The following LRP6 variants were observed in gnomAD, a reference collection of about 807,000 sequenced individuals.
LRP6 encodes the protein LDL receptor related protein 6.
LRP6 carries 43 observed loss-of-function variants against 184.1 expected under a neutral mutation model. The observed-to-expected ratio is 0.23, with a 90% CI of 0.18 to 0.30. The LOEUF (loss-of-function observed/expected upper bound fraction) is 0.30, where lower values mean the gene tolerates loss of function less well. LRP6 is among the 10% of genes least tolerant of loss of function. The probability of loss-of-function intolerance (pLI) is 1.00; values close to 1 mark genes in which losing one functional copy is unlikely to be tolerated. For synonymous variants in LRP6, 719 were observed against 684.9 expected, an observed-to-expected ratio of 1.05 and a Z score of -0.78; for missense variants, 1,571 against 2,005.3, an observed-to-expected ratio of 0.78 and a Z score of 4.14.
chr12:12,121,831 C>G (rs996382223), intron 22 of LRP6, among the ~76,000 whole-genome samples: 1 of 152,194 alleles, frequency 6.6e-6, no homozygotes, highest in Non-Finnish European at 1.5e-5. Flanking sequence ...ACATTCTTTA[C>G]TCCAAAATTA....
intron 2 of LRP6, among the ~76,000 whole-genome samples, chr12:12,211,609 T>C (rs1864212687): frequency 6.6e-6 from 1 of 152,240 alleles, no homozygotes; most frequent in African/African-American, 2.4e-5. Flanking sequence ...TCAATAGGGA[T>C]AATAATTCTA....
intron 2 of LRP6, among the ~76,000 whole-genome samples, chr12:12,205,071 G>C (rs1366699007): frequency 6.6e-6 from 1 of 151,838 alleles, no homozygotes; most frequent in Non-Finnish European, 1.5e-5. Context: ...GCTCACACTT[G>C]TAATCCTAGC....
intron 2 of LRP6, among the ~76,000 whole-genome samples, chr12:12,233,169 T>A (rs1403016257): frequency 6.6e-6 from 1 of 152,170 alleles, no homozygotes; most frequent in East Asian, 1.9e-4. Context: ...CACAATAATT[T>A]GTTAGAAAAA....
At position 12,203,267 on chromosome 12, in the gene LRP6, T is replaced by C; in HGVS notation, c.583A>G (p.Lys195Glu). 1 of 1,613,894 alleles carries C rather than the reference T, an allele frequency of 6.2e-7. No individual in the cohort carries two copies. The highest frequency in any genetic ancestry group is 8.5e-7 in the Non-Finnish European group (1 of 1,179,948). The change falls in exon 3 of 23, where the codon AAG becomes GAG. Residue 195 changes from lysine to glutamate, a missense_variant. Transcript: ENST00000261349. ...NGLTLDYEEQ[K>E]LYWADAKLNF... ...AGTTTTGCATCTGCCCAATAAAGCT[T>C]TTGTTCTTCATAATCCAAAGTCAGT...
intron 2 of LRP6, among the ~76,000 whole-genome samples, chr12:12,208,311 G>T (rs1416705184): frequency 6.6e-6 from 1 of 152,200 alleles, no homozygotes; most frequent in Non-Finnish European, 1.5e-5. Context: ...ACCTTCTGGA[G>T]TAGAGTAATG....
intron 7 of LRP6, among the ~76,000 whole-genome samples, chr12:12,175,322 G>C (rs1863145514): frequency 6.6e-6 from 1 of 152,156 alleles, no homozygotes; most frequent in African/African-American, 2.4e-5. Context: ...TTGGGAGGCA[G>C]AGGTTGCTGT....
chr12:12,231,985 C>G (rs914500661), intron 2 of LRP6, among the ~76,000 whole-genome samples: 1 of 150,090 alleles, frequency 6.7e-6, no homozygotes, highest in Non-Finnish European at 1.5e-5. Flanking sequence ...ACTGACGAAG[C>G]GAGACCCTGC....
intron 1 of LRP6, among the ~76,000 whole-genome samples, chr12:12,263,752 T>A (rs1032585382): frequency 6.6e-6 from 1 of 151,512 alleles, no homozygotes; most frequent in Non-Finnish European, 1.5e-5. Flanking sequence ...GAAGATCACA[T>A]GAACACAGGA....
chr12:12,180,747 C>A (rs1276455534), intron 6 of LRP6, among the ~76,000 whole-genome samples: 2 of 151,770 alleles, frequency 1.3e-5, no homozygotes, highest in African/African-American at 4.8e-5. Context: ...AAAACAATTT[C>A]TTCCCACATT....
intron 1 of LRP6, among the ~76,000 whole-genome samples, chr12:12,259,507 A>G (rs1048815009): frequency 3.9e-5 from 6 of 152,180 alleles, no homozygotes; most frequent in African/African-American, 1.4e-4. Flanking sequence ...TAAAAGGATC[A>G]CAGCATCAAA....
chr12:12,156,898 G>T (rs543081683), intron 12 of LRP6, among the ~76,000 whole-genome samples: 141 of 152,312 alleles, frequency 9.3e-4, no homozygotes, highest in African/African-American at 3.1e-3. Context: ...CACTGATGGG[G>T]GTTATGGCCC....
At chr12:12,146,176 C>T (rs1341426597) in intron 15 of LRP6, among the ~76,000 whole-genome samples, 1 of 152,154 alleles carries the variant, frequency 6.6e-6, no homozygotes, top group African/African-American at 2.4e-5. Flanking sequence ...AGCAAATACC[C>T]TTATACACTT....
chr12:12,246,195 G>A (rs1865178968), intron 1 of LRP6, among the ~76,000 whole-genome samples: 2 of 151,488 alleles, frequency 1.3e-5, no homozygotes, highest in Non-Finnish European at 2.9e-5. Context: ...TACTAGAGGT[G>A]GGGTTTCGCC....
At chr12:12,182,117 T>C (rs1230491581) in intron 5 of LRP6, among the ~76,000 whole-genome samples, 2 of 152,116 alleles carry the variant, frequency 1.3e-5, no homozygotes, top group Non-Finnish European at 2.9e-5. Flanking sequence ...GTGGATCCAA[T>C]ATAATTTGAT....
At chr12:12,203,537 C>A (rs906310115) in intron 2 of LRP6, 137 bp from the exon 3 acceptor site, 6 of 713,014 alleles carry the variant, frequency 8.4e-6, no homozygotes, top group African/African-American at 7.2e-5. Context: ...GAGGCTGAGG[C>A]AGGCAAATGA....
At chr12:12,254,056 A>C (rs1865397157) in intron 1 of LRP6, among the ~76,000 whole-genome samples, 1 of 147,568 alleles carries the variant, frequency 6.8e-6, no homozygotes, top group South Asian at 2.2e-4. Flanking sequence ...AGATGGGAGG[A>C]TCACTTGAGC....
At chr12:12,229,153 CT>C (rs1388404247) in intron 2 of LRP6, among the ~76,000 whole-genome samples, 1 of 152,102 alleles carries the variant, frequency 6.6e-6, no homozygotes, top group East Asian at 1.9e-4. Flanking sequence ...GGTGGATCAC[CT>C]GAGGTTGGGA....
chr12:12,164,670 T>C (rs1180321066), intron 8 of LRP6, 108 bp from the exon 9 acceptor site: 2 of 1,015,892 alleles, frequency 2.0e-6, no homozygotes, highest in Non-Finnish European at 3.0e-6. Flanking sequence ...TGCCTATGAT[T>C]ATGTCTTGCT....
At chr12:12,211,947 T>C (rs1055756254) in intron 2 of LRP6, among the ~76,000 whole-genome samples, 1 of 152,158 alleles carries the variant, frequency 6.6e-6, no homozygotes, top group African/African-American at 2.4e-5. Flanking sequence ...GAATCAAAGG[T>C]GATGCATTTT....
Sources: allele counts gnomAD v4.1 joint callset (sites outside exome capture counted in the v4.1 genomes callset), GRCh38; gene constraint gnomAD v4.1.1; transcripts MANE v1.5; gene names NCBI Gene and HGNC (gene_info 2026-07-23, HGNC 2026-07-21).